Variants in CTNNA2 observed in about 807,000 individuals in gnomAD.
CTNNA2 encodes catenin alpha 2.
CTNNA2 carries 42 observed loss-of-function variants against 101.0 expected under a neutral mutation model. That is an observed-to-expected ratio of 0.42 (90% CI 0.32 to 0.54). The LOEUF (loss-of-function observed/expected upper bound fraction) is 0.54. CTNNA2 is among the 20% of genes least tolerant of loss of function. CTNNA2 has a pLI of 0.14. For synonymous variants in CTNNA2, 450 were observed against 456.4 expected (o/e 0.99, Z 0.18); for missense variants, 871 against 1,223.1 (o/e 0.71, Z 4.29).
chr2:80,608,552 A>G (rs555824731), intron 17 of CTNNA2: 16 of 343,320 alleles, frequency 4.7e-5, no homozygotes, highest in African/African-American at 3.1e-4. Flanking sequence ...ATTCTTCACA[A>G]GAAAACTAAT....
At chr2:79,696,394 T>C (rs1276029233) in intron 2 of CTNNA2, among the ~76,000 whole-genome samples, 3 of 152,070 alleles carry the variant, frequency 2.0e-5, no homozygotes, top group African/African-American at 7.2e-5. Flanking sequence ...AACTGGGAAC[T>C]GCAACAGCCA....
At chr2:79,952,005 A>G (rs1404495576) in intron 7 of CTNNA2, among the ~76,000 whole-genome samples, 1 of 152,138 alleles carries the variant, frequency 6.6e-6, no homozygotes, top group East Asian at 1.9e-4. Context: ...GTCTTTGCTC[A>G]CAGCTGTGCC....
At chr2:80,315,671 A>G (rs1325405127) in intron 7 of CTNNA2, among the ~76,000 whole-genome samples, 4 of 152,228 alleles carry the variant, frequency 2.6e-5, no homozygotes, top group Non-Finnish European at 4.4e-5. Context: ...TTGTCTGTTA[A>G]CTAAAGCCAA....
intron 4 of CTNNA2, among the ~76,000 whole-genome samples, chr2:79,499,966 T>C (rs1482681674): frequency 2.0e-5 from 3 of 152,242 alleles, no homozygotes; most frequent in Non-Finnish European, 2.9e-5. Flanking sequence ...AAATTTTGAA[T>C]GCCATCTGTT....
chr2:79,911,562 C>G (rs1685802926), intron 7 of CTNNA2, among the ~76,000 whole-genome samples: 1 of 152,200 alleles, frequency 6.6e-6, no homozygotes, highest in Admixed American at 6.5e-5. Context: ...ATCAGCAGAG[C>G]TGATGGATTT....
At chr2:80,383,519 T>C (rs1229326813) in intron 7 of CTNNA2, among the ~76,000 whole-genome samples, 1 of 152,192 alleles carries the variant, frequency 6.6e-6, no homozygotes, top group Non-Finnish European at 1.5e-5. Flanking sequence ...TGTAAATATA[T>C]GCATGGTTTG....
chr2:79,196,723 C>T (rs959752334), intron 1 of CTNNA2, among the ~76,000 whole-genome samples: 12 of 152,216 alleles, frequency 7.9e-5, no homozygotes, highest in Non-Finnish European at 1.5e-4. Context: ...CACCAACTTA[C>T]TTCACTTCTC....
chr2:79,681,478 G>C lies in CTNNA2; in HGVS notation c.102+29820G>C, dbSNP rs866836048. Among the ~76,000 whole-genome samples the C allele has an allele frequency of 2.7e-4, 41 of 152,206 alleles. 1 individual carries two copies. The highest frequency in any genetic ancestry group is 3.4e-3 in the Middle Eastern group (1 of 290). On this transcript the variant is annotated intron_variant, in intron 2 of 18. Coordinates refer to ENST00000402739, the MANE Select transcript of CTNNA2 (RefSeq NM_001282597.3). ...CTCTTTTCTCTTTCCTGTAATATGG[G>C]AATGGTGGTAGTAATAGTATACACA...
chr2:80,268,203 G>T (rs1384744437), intron 7 of CTNNA2, among the ~76,000 whole-genome samples: 4 of 152,220 alleles, frequency 2.6e-5, no homozygotes, highest in African/African-American at 7.2e-5. Flanking sequence ...GCAAGCACAG[G>T]CTGGCACTAT....
At chr2:80,306,400 TTTTCTTTCTTTCTTTCTTTCTTTC>T (rs58501778) in intron 7 of CTNNA2, among the ~76,000 whole-genome samples, 7 of 109,200 alleles carry the variant, frequency 6.4e-5, no homozygotes, top group Non-Finnish European at 1.1e-4. Flanking sequence ...TTTTCTTTTC[TTTTCTTTCTTTCTTTCTTTCTTTC>T]TTTCTTTCTT....
intron 2 of CTNNA2, among the ~76,000 whole-genome samples, chr2:79,226,865 G>A (rs183730811): frequency 7.0e-4 from 107 of 152,192 alleles, no homozygotes; most frequent in African/African-American, 2.5e-3. Flanking sequence ...CTTCATCTTA[G>A]CAACAGGCTC....
chr2:80,269,998 A>G (rs1414047351), intron 7 of CTNNA2, among the ~76,000 whole-genome samples: 3 of 152,234 alleles, frequency 2.0e-5, no homozygotes, highest in Non-Finnish European at 4.4e-5. Context: ...GCTGTAAACA[A>G]GAGGCTATAA....
intron 2 of CTNNA2, among the ~76,000 whole-genome samples, chr2:79,739,152 A>C (rs1183362170): frequency 1.4e-5 from 2 of 140,112 alleles, no homozygotes; most frequent in Non-Finnish European, 3.1e-5. Flanking sequence ...GTGGATCTTG[A>C]GTGATCCTTG....
chr2:79,480,129 G>T (rs1291070170), intron 4 of CTNNA2, among the ~76,000 whole-genome samples: 1 of 151,952 alleles, frequency 6.6e-6, no homozygotes, highest in Non-Finnish European at 1.5e-5. Flanking sequence ...GAGAGAGAAG[G>T]GGGAGGTCCC....
At chr2:79,972,942 G>C (rs572431621) in intron 7 of CTNNA2, among the ~76,000 whole-genome samples, 1 of 152,102 alleles carries the variant, frequency 6.6e-6, no homozygotes, top group Non-Finnish European at 1.5e-5. Flanking sequence ...GCATGGTAAC[G>C]TGACAAGAGT....
intron 6 of CTNNA2, among the ~76,000 whole-genome samples, chr2:79,876,837 T>C (rs1683060596): frequency 1.3e-5 from 2 of 152,194 alleles, no homozygotes; most frequent in South Asian, 2.1e-4. Context: ...TTTTTTGTTG[T>C]TGTTGTTTTT....
At chr2:79,734,628 A>G (rs551522012) in intron 2 of CTNNA2, among the ~76,000 whole-genome samples, 68 of 152,228 alleles carry the variant, frequency 4.5e-4, no homozygotes, top group African/African-American at 1.6e-3. Context: ...TTAAGGGAAA[A>G]TGCTTTTAAG....
At chr2:79,593,993 A>G (rs1677033820) in intron 1 of CTNNA2, among the ~76,000 whole-genome samples, 1 of 143,844 alleles carries the variant, frequency 7.0e-6, no homozygotes, top group South Asian at 2.2e-4. Context: ...GGTTCAAGCA[A>G]TTCCTACACC....
chr2:80,539,311 C>CTT (rs763178918), intron 9 of CTNNA2, among the ~76,000 whole-genome samples: 6 of 110,350 alleles, frequency 5.4e-5, no homozygotes, highest in Non-Finnish European at 1.0e-4. Context: ...GCTCTCCTTG[C>CTT]TTTTTTTTTT....
Sources: allele counts gnomAD v4.1 joint callset (sites outside exome capture counted in the v4.1 genomes callset), GRCh38; gene constraint gnomAD v4.1.1; transcripts MANE v1.5; gene names NCBI Gene and HGNC (gene_info 2026-07-23, HGNC 2026-07-21).